Variants in LINGO2 observed in about 807,000 individuals in gnomAD.
LINGO2 encodes leucine rich repeat and Ig domain containing 2.
Under a neutral mutation model 30.6 loss-of-function variants are expected in LINGO2, and 14 were observed. The ratio of observed to expected loss-of-function variants is 0.46; its 90% CI spans 0.30 to 0.72. The LOEUF (loss-of-function observed/expected upper bound fraction) is 0.72, where lower values mean the gene tolerates loss of function less well. Ranked by LOEUF, LINGO2 falls within the 30% of genes least tolerant of loss-of-function variation. The pLI, the probability that LINGO2 is intolerant of heterozygous loss-of-function variation, is 0.07. For synonymous variants in LINGO2, 317 were observed against 288.5 expected (o/e 1.10, Z -1.00); for missense variants, 729 against 751.7 (o/e 0.97, Z 0.35).
the LINGO2 span, among the ~76,000 whole-genome samples, chr9:28,916,467 C>G: frequency 1.3e-5 from 2 of 151,848 alleles, no homozygotes; most frequent in African/African-American, 4.8e-5. Flanking sequence ...ACCTTGGTCT[C>G]CAAAACCTCT....
At chr9:28,309,767 A>G (rs1824535587) in intron 3 of LINGO2, among the ~76,000 whole-genome samples, 1 of 152,060 alleles carries the variant, frequency 6.6e-6, no homozygotes, top group African/African-American at 2.4e-5. Context: ...TGCAAGTTAC[A>G]TAAAAAACTC....
intron 4 of LINGO2, among the ~76,000 whole-genome samples, chr9:28,227,678 C>T (rs1408350382): frequency 6.6e-6 from 1 of 151,872 alleles, no homozygotes; most frequent in African/African-American, 2.4e-5. Flanking sequence ...GTTTAGAATC[C>T]CTCTAGTTAA....
the LINGO2 span, among the ~76,000 whole-genome samples, chr9:29,195,866 A>G: frequency 6.6e-6 from 1 of 152,114 alleles, no homozygotes; most frequent in Non-Finnish European, 1.5e-5. Flanking sequence ...CTTTACCTCA[A>G]CAGACACTTA....
chr9:28,592,092 A>T (rs763475385), intron 1 of LINGO2, among the ~76,000 whole-genome samples: 4 of 152,100 alleles, frequency 2.6e-5, no homozygotes, highest in Admixed American at 6.6e-5. Context: ...AGGAAAATGG[A>T]GTAATGGGAT....
At chr9:28,034,472 A>G (rs1019624507) in intron 4 of LINGO2, among the ~76,000 whole-genome samples, 2 of 152,192 alleles carry the variant, frequency 1.3e-5, no homozygotes, top group African/African-American at 4.8e-5. Context: ...TAGTTAGGAA[A>G]GCTCAGCCTG....
chr9:28,372,705 A>T (rs1820951154), intron 3 of LINGO2, 131 bp downstream of exon 5: 1 of 152,626 alleles, frequency 6.6e-6, no homozygotes, highest in Non-Finnish European at 1.5e-5. Context: ...TTAAGAATTT[A>T]AACTGATGGA....
At chr9:29,143,511 T>C in the LINGO2 span, among the ~76,000 whole-genome samples, 1 of 152,100 alleles carries the variant, frequency 6.6e-6, no homozygotes, top group African/African-American at 2.4e-5. Context: ...AATTTACACA[T>C]ATATAATGAA....
the LINGO2 span, among the ~76,000 whole-genome samples, chr9:28,777,467 T>C: frequency 3.3e-5 from 5 of 152,284 alleles, no homozygotes; most frequent in Non-Finnish European, 7.4e-5. Context: ...CAAGTGACGA[T>C]AAAAGAGATA....
the LINGO2 span, among the ~76,000 whole-genome samples, chr9:28,869,608 G>C: frequency 2.0e-5 from 3 of 152,054 alleles, no homozygotes; most frequent in Non-Finnish European, 2.9e-5. Context: ...CCAGTGGTTT[G>C]AACTGTGTGG....
At chr9:28,785,894 T>C in the LINGO2 span, among the ~76,000 whole-genome samples, 1 of 152,232 alleles carries the variant, frequency 6.6e-6, no homozygotes, top group Non-Finnish European at 1.5e-5. Flanking sequence ...TAATTCTTCA[T>C]GACAAAATGT....
chr9:29,170,963 T>C, the LINGO2 span, among the ~76,000 whole-genome samples: 1 of 152,122 alleles, frequency 6.6e-6, no homozygotes, highest in Non-Finnish European at 1.5e-5. Flanking sequence ...AGAAGTGTAA[T>C]TTGGCTATAT....
the LINGO2 span, among the ~76,000 whole-genome samples, chr9:28,899,123 C>CA: frequency 1.3e-5 from 2 of 152,072 alleles, no homozygotes; most frequent in Non-Finnish European, 2.9e-5. Flanking sequence ...GGGTATATCA[C>CA]AAAAATTTTA....
intron 3 of LINGO2, among the ~76,000 whole-genome samples, chr9:28,325,759 G>A (rs886762932): frequency 2.0e-5 from 3 of 152,022 alleles, no homozygotes; most frequent in Non-Finnish European, 4.4e-5. Context: ...ACCCAGTCTC[G>A]GGTATGCCTT....
intron 4 of LINGO2, among the ~76,000 whole-genome samples, chr9:28,120,158 C>A (rs1206987014): frequency 6.6e-6 from 1 of 152,082 alleles, no homozygotes; most frequent in Non-Finnish European, 1.5e-5. Flanking sequence ...AAGGAGGAAA[C>A]TACATAGACC....
chr9:28,754,046 A>G, the LINGO2 span, among the ~76,000 whole-genome samples: 2 of 150,124 alleles, frequency 1.3e-5, no homozygotes, highest in Non-Finnish European at 3.0e-5. Context: ...ACACACACAC[A>G]CACAATGTTA....
intron 4 of LINGO2, among the ~76,000 whole-genome samples, chr9:28,033,883 C>G (rs1419745493): frequency 6.6e-6 from 1 of 152,178 alleles, no homozygotes; most frequent in East Asian, 1.9e-4. Context: ...ACAAGGATTT[C>G]CCATCCCCCA....
At chr9:28,988,401 C>T in the LINGO2 span, among the ~76,000 whole-genome samples, 3 of 152,038 alleles carry the variant, frequency 2.0e-5, no homozygotes, top group South Asian at 6.2e-4. Context: ...AACTTCTTTG[C>T]TTTCAGTCTA....
the LINGO2 span, among the ~76,000 whole-genome samples, chr9:28,991,508 C>T: frequency 2.2e-3 from 300 of 137,448 alleles, 6 homozygotes; most frequent in Admixed American, 0.019. Context: ...TCAGGAAATA[C>T]AGAGAACGCC....
the LINGO2 span, among the ~76,000 whole-genome samples, chr9:29,140,620 T>C: frequency 1.3e-5 from 2 of 151,110 alleles, no homozygotes; most frequent in Admixed American, 1.3e-4. Context: ...TAAATAAAAA[T>C]GGGCAAAATT....
Sources: allele counts gnomAD v4.1 joint callset (sites outside exome capture counted in the v4.1 genomes callset), GRCh38; gene constraint gnomAD v4.1.1; transcripts MANE v1.5; gene names NCBI Gene and HGNC (gene_info 2026-07-23, HGNC 2026-07-21).